HTR6: variants seen among roughly 807,000 people sequenced by gnomAD.
HTR6 encodes the protein 5-hydroxytryptamine receptor 6.
In HTR6, 15 loss-of-function variants were observed where a neutral mutation model predicts 17.4. The observed-to-expected ratio is 0.86, with a 90% CI of 0.58 to 1.33. HTR6 has a LOEUF of 1.33. Ranked by LOEUF, HTR6 falls within the 40% of genes most tolerant of loss-of-function variation. The pLI, the probability that HTR6 is intolerant of heterozygous loss-of-function variation, is 0.00. For synonymous variants in HTR6, 326 were observed against 295.5 expected (o/e 1.10, Z -1.06); for missense variants, 578 against 616.0 (o/e 0.94, Z 0.65).
rs1370412490 is a variant in HTR6, at chr1:19,666,670, C to T, written c.714+203C>T. Among the ~76,000 whole-genome samples the T allele has an allele frequency of 2.0e-5, 3 of 152,050 alleles. No individual in the cohort carries two copies. Among genetic ancestry groups the T allele is most frequent in the Non-Finnish European group, 4.4e-5 (3 of 68,004 alleles). Reference sequence around the variant, plus strand: ...AGCTCCGTCAGGATTTGGGGGCAGGCTTCTCCCAGGTACCATGTACAACAG... The same window carrying T: ...AGCTCCGTCAGGATTTGGGGGCAGGTTTCTCCCAGGTACCATGTACAACAG... On this transcript the variant is annotated intron_variant, in intron 1 of 2. Coordinates refer to ENST00000289753, the MANE Select transcript of HTR6 (RefSeq NM_000871.3). This position sits in a 1 kb window ranked among gnomAD's most constrained non-coding sequence, Gnocchi z 4.5.
intron 1 of HTR6, among the ~76,000 whole-genome samples, chr1:19,670,178 C>A: frequency 6.6e-6 from 1 of 151,892 alleles, no homozygotes; most frequent in South Asian, 2.1e-4. Flanking sequence ...GCCTCACTTG[C>A]GGTTCCTTCT....
intron 1 of HTR6, among the ~76,000 whole-genome samples, chr1:19,669,700 C>T (rs2872594): frequency 0.76 from 114,994 of 152,112 alleles, 43,828 homozygotes; most frequent in Non-Finnish European, 0.8. Context: ...CCACATTTGC[C>T]CCGTTAGTGA....
At chr1:19,674,541 G>T (rs1324305602) in intron 1 of HTR6, among the ~76,000 whole-genome samples, 1 of 151,930 alleles carries the variant, frequency 6.6e-6, no homozygotes, top group Non-Finnish European at 1.5e-5. Context: ...TGAGTAGTGG[G>T]ACTACAGGCA....
At chr1:19,667,831 C>T (rs779626973) in intron 1 of HTR6, among the ~76,000 whole-genome samples, 2 of 152,076 alleles carry the variant, frequency 1.3e-5, no homozygotes, top group Admixed American at 6.5e-5. Flanking sequence ...GTAGACCGAC[C>T]AGGCCTGAGA....
At chr1:19,667,409 TTTTG>T (rs1168238748) in intron 1 of HTR6, among the ~76,000 whole-genome samples, 3 of 152,110 alleles carry the variant, frequency 2.0e-5, no homozygotes, top group Non-Finnish European at 4.4e-5. Flanking sequence ...TTGCTTTTTT[TTTTG>T]TTTTTGTTTT....
In HTR6 at chr1:19,664,998, G is replaced by T. The variant is rs1233921754; in HGVS notation, c.-756G>T. On this transcript the variant is annotated 5_prime_UTR_variant, in exon 1 of 3. Coordinates refer to ENST00000289753, the MANE Select transcript of HTR6 (RefSeq NM_000871.3). The surrounding 1 kb of genome is among the most constrained non-coding windows in gnomAD (Gnocchi z 4.7). ...CTCTCGCAGCCCCGCGGCGCTTGCCGCAGTCGCAGGCGGCGGAGCAGCCAG... is the reference window on the plus strand; with the variant it reads ...CTCTCGCAGCCCCGCGGCGCTTGCCTCAGTCGCAGGCGGCGGAGCAGCCAG... Among the ~76,000 whole-genome samples the T allele has an allele frequency of 6.6e-6, 1 of 150,962 alleles. No individual in the cohort carries two copies.
Position 19,679,949 on chromosome 1 carries a change from A to G in HTR6, c.*581A>G, listed in dbSNP as rs528789028. On this transcript the variant is annotated 3_prime_UTR_variant, in exon 3 of 3. Transcript: ENST00000289753. The surrounding 1 kb of genome is among the most constrained non-coding windows in gnomAD (Gnocchi z 4.9). ...GCCTTAGATCATCTTTAACCCTCAG[A>G]ATGATTTGCTGGATGGTTTTTGGAC... 6.6e-6 allele frequency among the ~76,000 whole-genome samples: 1 copy of G among 152,196 alleles called. No homozygotes were observed. The highest frequency in any genetic ancestry group is 2.1e-4 in the South Asian group (1 of 4,818).
chr1:19,679,918 T>A lies in HTR6; in HGVS notation c.*550T>A, dbSNP rs1056287631. On this transcript the variant is annotated 3_prime_UTR_variant, in exon 3 of 3. Coordinates refer to ENST00000289753, the MANE Select transcript of HTR6 (RefSeq NM_000871.3). This position sits in a 1 kb window ranked among gnomAD's most constrained non-coding sequence, Gnocchi z 4.9. The stretch of plus-strand genomic sequence containing the variant: ...ATCATGTGCCCATTACAGTTTGAGA[T>A]GTGCTGCCTTAGATCATCTTTAACC... Among the ~76,000 whole-genome samples, 1 of 152,218 alleles carries A rather than the reference T, an allele frequency of 6.6e-6. No homozygotes were observed. The highest frequency in any genetic ancestry group is 1.5e-5 in the Non-Finnish European group (1 of 68,028).
chr1:19,679,043 G>A lies in HTR6; in HGVS notation c.998G>A (p.Arg333Lys), dbSNP rs2095098083. Residue 333 changes from arginine (R) to lysine (K), a missense_variant, in exon 3 of 3, where the codon AGG becomes AAG. Arg to Lys is a conservative substitution (Grantham distance 26). Transcript: ENST00000289753. This position sits in a 1 kb window ranked among gnomAD's most constrained non-coding sequence, Gnocchi z 4.9. ...CGGGACTTCAAGCGGGCGCTGGGCA[G>A]GTTCCTGCCATGTCCACGCTGTCCC... ...FMRDFKRALG[R>K]FLPCPRCPRE... 1 of 1,614,152 alleles carries A rather than the reference G, an allele frequency of 6.2e-7. No homozygotes were observed. Among genetic ancestry groups the A allele is most frequent in the Non-Finnish European group, 8.5e-7 (1 of 1,179,986 alleles).
In HTR6 at chr1:19,678,577, C is replaced by G; in HGVS notation, c.725C>G (p.Thr242Ser). ...QASETLQVPR[T>S]PRPGVESADS... ...CCTTCCTTTCCGCAGGTGCCCAGGA[C>G]CCCACGCCCAGGGGTGGAGTCTGCT... Residue 242 changes from threonine (T) to serine (S), a missense_variant, in exon 2 of 3, where the codon ACC becomes AGC. Physicochemically the swap from Thr to Ser is moderately conservative, Grantham distance 58. Coordinates refer to ENST00000289753, the MANE Select transcript of HTR6 (RefSeq NM_000871.3). 6.2e-7 allele frequency: 1 copy of G among 1,612,548 alleles called. No homozygotes were observed. The highest frequency in any genetic ancestry group is 8.5e-7 in the Non-Finnish European group (1 of 1,179,956).
rs1276067058 is a variant in HTR6 at position 19,678,558 on chromosome 1, T to C, written c.715-9T>C. 4.3e-6 allele frequency: 7 copies of C among 1,612,144 alleles called. No homozygotes were observed. The highest frequency in any genetic ancestry group is 2.2e-5 in the East Asian group (1 of 44,894). On this transcript the variant is annotated splice_polypyrimidine_tract_variant and intron_variant, in intron 1 of 2. Transcript: ENST00000289753. ...TCTCAACGGACTCATGTGGCCTTCC[T>C]TTCCGCAGGTGCCCAGGACCCCACG...
intron 1 of HTR6, among the ~76,000 whole-genome samples, chr1:19,670,932 T>G (rs1253479046): frequency 3.3e-5 from 5 of 152,136 alleles, no homozygotes; most frequent in Non-Finnish European, 7.4e-5. Context: ...CAGAGTCACT[T>G]CTTGAGTGTC....
rs8192530 is a variant in HTR6, at chr1:19,666,201, G to A, written c.448G>A (p.Ala150Thr). ...GCGTGCCCTGGCCCTAGTCCTGGGCGCCTGGAGCCTCGCCGCTCTCGCCTC... is the reference window on the plus strand; with the variant it reads ...GCGTGCCCTGGCCCTAGTCCTGGGCACCTGGAGCCTCGCCGCTCTCGCCTC... ...PLRALALVLGAWSLAALASFL... is the reference protein window; with the variant it reads ...PLRALALVLGTWSLAALASFL... Residue 150 changes from alanine to threonine, a missense_variant, in exon 1 of 3, where the codon GCC becomes ACC. By Grantham distance (58) the Ala-to-Thr change is moderately conservative. Transcript: ENST00000289753. The surrounding 1 kb of genome is among the most constrained non-coding windows in gnomAD (Gnocchi z 4.5). 6.2e-7 allele frequency: 1 copy of A among 1,609,594 alleles called. No homozygotes were observed. The highest frequency in any genetic ancestry group is 8.5e-7 in the Non-Finnish European group (1 of 1,179,738).
intron 1 of HTR6, among the ~76,000 whole-genome samples, chr1:19,669,230 A>C (rs948262730): frequency 5.9e-5 from 9 of 152,110 alleles, no homozygotes; most frequent in African/African-American, 2.2e-4. Context: ...TTTTCTTTCC[A>C]TGAATCTCGC....
chr1:19,679,305 C>T lies in HTR6; in HGVS notation c.1260C>T (p.Phe420=). The T allele has an allele frequency of 6.2e-7, 1 of 1,608,836 alleles. No individual in the cohort carries two copies. Among genetic ancestry groups the T allele is most frequent in the Non-Finnish European group, 8.5e-7 (1 of 1,178,374 alleles). ...CCAGGGCCGCTGCCGCCGTCAATTT[C>T]TTCAACATCGACCCCGCGGAGCCCG... The part of the protein sequence containing the change: ...LPTRAAAAVN[F]FNIDPAEPEL... The change falls in exon 3 of 3, where the codon TTC becomes TTT. Residue 420 remains phenylalanine, a synonymous_variant. Coordinates refer to ENST00000289753, the MANE Select transcript of HTR6 (RefSeq NM_000871.3). The surrounding 1 kb of genome is among the most constrained non-coding windows in gnomAD (Gnocchi z 4.9).
At position 19,666,103 on chromosome 1, in the gene HTR6, TC is replaced by T; in HGVS notation, c.351del (p.Cys118AlafsTer21). 1 of 1,612,574 alleles carries T rather than the reference TC, an allele frequency of 6.2e-7. No homozygotes were observed. Among genetic ancestry groups the T allele is most frequent in the Non-Finnish European group, 8.5e-7 (1 of 1,179,898 alleles). On this transcript the variant is annotated frameshift_variant, in exon 1 of 3. Transcript: ENST00000289753. LOFTEE classifies it high-confidence loss of function. The surrounding 1 kb of genome is among the most constrained non-coding windows in gnomAD (Gnocchi z 4.5). ...VMCCSASILN[L>X]CLISLDRYLL... ...TGCTGCAGCGCCTCCATCCTCAACC[TC>T]TGCCTCATCAGCCTGGACCGCTACC...
rs1383964616 is a variant in HTR6 at position 19,665,571 on chromosome 1, G to T, written c.-183G>T. 12 of 498,264 alleles carry T rather than the reference G, an allele frequency of 2.4e-5. No individual in the cohort carries two copies. The highest frequency in any genetic ancestry group is 3.9e-5 in the Non-Finnish European group (11 of 283,836). 30.9% of individuals were successfully genotyped at this position (498,264 alleles called of 1,614,324 possible). On this transcript the variant is annotated 5_prime_UTR_variant, in exon 1 of 3. Transcript: ENST00000289753. The surrounding 1 kb of genome is among the most constrained non-coding windows in gnomAD (Gnocchi z 4.2). Reference sequence around the variant, plus strand: ...AGCCACACTGTGTCCTCCTGTAGTCGCTGCCCCCTGACCTAGCGCGACCCA... The same window carrying T: ...AGCCACACTGTGTCCTCCTGTAGTCTCTGCCCCCTGACCTAGCGCGACCCA...
rs1385938410 is a variant in HTR6, at chr1:19,665,686, G to A, written c.-68G>A. The A allele has an allele frequency of 2.8e-6, 3 of 1,074,082 alleles. No homozygotes were observed. The highest frequency in any genetic ancestry group is 2.6e-6 in the Non-Finnish European group (2 of 761,226). 66.5% of individuals were successfully genotyped at this position (1,074,082 alleles called of 1,614,324 possible). On this transcript the variant is annotated 5_prime_UTR_variant, in exon 1 of 3. Coordinates refer to ENST00000289753, the MANE Select transcript of HTR6 (RefSeq NM_000871.3). This position sits in a 1 kb window ranked among gnomAD's most constrained non-coding sequence, Gnocchi z 4.2. The stretch of plus-strand genomic sequence containing the variant: ...CACGGACGGTCCCCGTCCAGCCTGC[G>A]CTTCGCCGGGGCCCTCATCTGCTTT...
rs532941288 is a variant in HTR6, at chr1:19,680,546, T to C, written c.*1178T>C. The stretch of plus-strand genomic sequence containing the variant: ...CCTAGAAGGGAACAACTGATGGGGA[T>C]AAACCCAGCCCCTTGCCCACCTGCC... On this transcript the variant is annotated 3_prime_UTR_variant, in exon 3 of 3. Coordinates refer to ENST00000289753, the MANE Select transcript of HTR6 (RefSeq NM_000871.3). Among the ~76,000 whole-genome samples, 2 of 152,202 alleles carry C rather than the reference T, an allele frequency of 1.3e-5. No individual in the cohort carries two copies. Among genetic ancestry groups the C allele is most frequent in the South Asian group, 4.1e-4 (2 of 4,830 alleles).
Sources: gnomAD v4.1 joint callset for allele counts (sites outside exome capture counted in the v4.1 genomes callset) on GRCh38, gnomAD v4.1.1 for gene constraint, Gnocchi (gnomAD v3.1) non-coding constraint, MANE v1.5 for transcripts, NCBI Gene and HGNC (gene_info 2026-07-23, HGNC 2026-07-21) for gene names.